The following NPAS3 variants were observed in gnomAD, a reference collection of about 807,000 sequenced individuals.
The protein encoded by NPAS3 is neuronal PAS domain protein 3.
A neutral mutation model predicts 73.1 loss-of-function variants in NPAS3; 14 were observed. That is an observed-to-expected ratio of 0.19 (90% CI 0.13 to 0.30). The LOEUF (loss-of-function observed/expected upper bound fraction) is 0.30, where lower values mean the gene tolerates loss of function less well. Ranked by LOEUF, NPAS3 falls within the 10% of genes least tolerant of loss-of-function variation. The pLI, the probability that NPAS3 is intolerant of heterozygous loss-of-function variation, is 1.00. For synonymous variants in NPAS3, 620 were observed against 541.5 expected, an observed-to-expected ratio of 1.14 and a Z score of -2.01; for missense variants, 1,096 against 1,250.0, an observed-to-expected ratio of 0.88 and a Z score of 1.86.
chr14:33,518,692 A>G (rs2053422364), intron 4 of NPAS3, among the ~76,000 whole-genome samples: 1 of 146,904 alleles, frequency 6.8e-6, no homozygotes, highest in Non-Finnish European at 1.5e-5. Context: ...TCATCTCACT[A>G]GTTAACTCCT....
chr14:33,607,631 C>G (rs1306285016), intron 5 of NPAS3, among the ~76,000 whole-genome samples: 2 of 152,138 alleles, frequency 1.3e-5, no homozygotes, highest in Non-Finnish European at 2.9e-5. Context: ...CAAAACCTGT[C>G]AAGGTAGATA....
intron 4 of NPAS3, among the ~76,000 whole-genome samples, chr14:33,517,443 T>C (rs2053354787): frequency 6.6e-6 from 1 of 152,122 alleles, no homozygotes; most frequent in Admixed American, 6.6e-5. Flanking sequence ...CCTGGAGTTA[T>C]AGAATCTAGG....
intron 9 of NPAS3, among the ~76,000 whole-genome samples, chr14:33,789,858 G>C (rs1247750044): frequency 2.6e-5 from 4 of 151,956 alleles, no homozygotes; most frequent in Non-Finnish European, 1.5e-5. Flanking sequence ...CAAAGTGCTG[G>C]GATTACAGGC....
At chr14:33,446,706 T>A (rs553277950) in intron 4 of NPAS3, among the ~76,000 whole-genome samples, 1 of 152,346 alleles carries the variant, frequency 6.6e-6, no homozygotes, top group East Asian at 1.9e-4. Context: ...TTGCCTAATG[T>A]CTTATAGGAT....
intron 1 of NPAS3, among the ~76,000 whole-genome samples, chr14:32,950,419 C>T (rs540588584): frequency 3.5e-4 from 54 of 152,150 alleles, no homozygotes; most frequent in African/African-American, 1.3e-3. Flanking sequence ...CATATTTTTC[C>T]ATAACCTATA....
At chr14:33,669,005 T>G (rs1333784969) in intron 5 of NPAS3, among the ~76,000 whole-genome samples, 2 of 152,202 alleles carry the variant, frequency 1.3e-5, no homozygotes, top group African/African-American at 4.8e-5. Context: ...TCAACATGTA[T>G]CCAGCTTTAA....
chr14:33,450,289 C>T (rs2049731570), intron 4 of NPAS3, among the ~76,000 whole-genome samples: 1 of 152,144 alleles, frequency 6.6e-6, no homozygotes, highest in South Asian at 2.1e-4. Flanking sequence ...GTGGTAGGTT[C>T]TGCTGATGCA....
intron 4 of NPAS3, among the ~76,000 whole-genome samples, chr14:33,417,646 G>T (rs978083798): frequency 6.6e-6 from 1 of 151,870 alleles, no homozygotes; most frequent in African/African-American, 2.4e-5. Flanking sequence ...TTACCTCTCT[G>T]CTCTAAAGTC....
intron 6 of NPAS3, among the ~76,000 whole-genome samples, chr14:33,707,381 G>A (rs2060686729): frequency 6.7e-6 from 1 of 149,834 alleles, no homozygotes; most frequent in African/African-American, 2.5e-5. Flanking sequence ...TTTAATATTT[G>A]TTGAGTGCCA....
chr14:33,476,701 T>C (rs2051052857), intron 4 of NPAS3, among the ~76,000 whole-genome samples: 1 of 152,204 alleles, frequency 6.6e-6, no homozygotes, highest in South Asian at 2.1e-4. Context: ...TGGAACTTCA[T>C]TATTTAAGGA....
At chr14:33,139,784 G>C (rs1402414331) in intron 2 of NPAS3, among the ~76,000 whole-genome samples, 1 of 152,174 alleles carries the variant, frequency 6.6e-6, no homozygotes, top group African/African-American at 2.4e-5. Context: ...CATGGGGCTA[G>C]TGGCTACTGT....
chr14:33,372,182 A>G (rs1342736791), intron 4 of NPAS3, among the ~76,000 whole-genome samples: 1 of 152,168 alleles, frequency 6.6e-6, no homozygotes, highest in Non-Finnish European at 1.5e-5. Flanking sequence ...ACTTCACTGC[A>G]TCAGGTACCA....
At chr14:33,345,643 G>A (rs1427200169) in intron 3 of NPAS3, among the ~76,000 whole-genome samples, 2 of 152,116 alleles carry the variant, frequency 1.3e-5, no homozygotes, top group Admixed American at 6.6e-5. Flanking sequence ...CACAAAATCC[G>A]GGTTAGCCAG....
chr14:33,372,847 C>T (rs17100838), intron 4 of NPAS3, among the ~76,000 whole-genome samples: 33,972 of 152,000 alleles, frequency 0.22, 4,310 homozygotes, highest in East Asian at 0.35. Flanking sequence ...CAGTAAAAAT[C>T]CGAGAACTTG....
chr14:33,188,645 G>C (rs558705556), intron 2 of NPAS3, among the ~76,000 whole-genome samples: 11 of 152,140 alleles, frequency 7.2e-5, no homozygotes, highest in Non-Finnish European at 1.6e-4. Context: ...ATTGACTCTT[G>C]AATCACCCTA....
intron 2 of NPAS3, among the ~76,000 whole-genome samples, chr14:33,202,462 G>A (rs1206653037): frequency 6.6e-6 from 1 of 152,042 alleles, no homozygotes; most frequent in Non-Finnish European, 1.5e-5. Flanking sequence ...AGTAGACTTG[G>A]TTAAAATAAC....
At chr14:33,227,864 C>G (rs1370421989) in intron 3 of NPAS3, among the ~76,000 whole-genome samples, 1 of 152,136 alleles carries the variant, frequency 6.6e-6, no homozygotes, top group Non-Finnish European at 1.5e-5. Context: ...ATTAATCATC[C>G]CGGTCATTTT....
intron 7 of NPAS3, among the ~76,000 whole-genome samples, chr14:33,736,539 T>C (rs1052922610): frequency 7.2e-5 from 11 of 152,190 alleles, no homozygotes; most frequent in African/African-American, 2.4e-4. Flanking sequence ...AAACAGACCC[T>C]ATCCTTAGGA....
intron 3 of NPAS3, among the ~76,000 whole-genome samples, chr14:33,238,045 T>G (rs140517096): frequency 2.2e-4 from 33 of 152,052 alleles, no homozygotes; most frequent in African/African-American, 5.1e-4. Flanking sequence ...AAAACATTGA[T>G]TGGCTCAGAA....
Sources: allele counts gnomAD v4.1 joint callset (sites outside exome capture counted in the v4.1 genomes callset), GRCh38; gene constraint gnomAD v4.1.1; transcripts MANE v1.5; gene names NCBI Gene and HGNC (gene_info 2026-07-23, HGNC 2026-07-21).